The following SLC30A5 variants were observed in gnomAD, a reference collection of about 807,000 sequenced individuals.
SLC30A5 encodes the protein proton-coupled zinc antiporter SLC30A5.
Under a neutral mutation model 79.6 loss-of-function variants are expected in SLC30A5, and 33 were observed. That is an observed-to-expected ratio of 0.41 (90% confidence interval 0.31 to 0.55). The LOEUF (loss-of-function observed/expected upper bound fraction) is 0.55, where lower values mean the gene tolerates loss of function less well. SLC30A5 is among the 20% of genes least tolerant of loss of function. SLC30A5 has a pLI of 0.20. For missense variants in SLC30A5, 788 were observed against 928.1 expected (o/e 0.85, Z 1.96); for synonymous variants, 299 against 319.7 (o/e 0.94, Z 0.69).
chr5:69,114,916 T>C (rs941396114), intron 7 of SLC30A5, among the ~76,000 whole-genome samples: 1 of 152,152 alleles, frequency 6.6e-6, no homozygotes, highest in African/African-American at 2.4e-5. Flanking sequence ...TTGCCGGCCA[T>C]TTAAGTAGTT....
chr5:69,095,437 T>G (rs867091963), intron 1 of SLC30A5, among the ~76,000 whole-genome samples: 2 of 152,110 alleles, frequency 1.3e-5, no homozygotes, highest in African/African-American at 4.8e-5. Context: ...CCCGACCTCG[T>G]GATCGGCCTG....
At position 69,103,850 on chromosome 5, in the gene SLC30A5, AT is replaced by A. The variant is rs1268697368; in HGVS notation, c.273+729del. 1.7e-5 allele frequency: 14 copies of A among 844,820 alleles called. No individual in the cohort carries two copies. In the South Asian group the frequency reaches 1.7e-4, roughly 10 times the overall value. 52.3% of individuals were successfully genotyped at this position (844,820 alleles called of 1,614,324 possible). ...CCATGACTTACAAACCTGCGTCATA[AT>A]TTTTTTATTAGAAAGACGAATTTAA... On this transcript the variant is annotated intron_variant, in intron 3 of 15. Transcript: ENST00000396591.
At chr5:69,128,927 TTAAC>T (rs1329697046) in intron 15 of SLC30A5, among the ~76,000 whole-genome samples, 1 of 152,176 alleles carries the variant, frequency 6.6e-6, no homozygotes, top group Non-Finnish European at 1.5e-5. Context: ...GTCTAATATT[TTAAC>T]TAACTAAATG....
Position 69,130,836 on chromosome 5 carries a change from T to C in SLC30A5, c.*1219T>C, listed in dbSNP as rs1269963680. The C allele has an allele frequency of 6.6e-6, 1 of 152,150 alleles. No individual in the cohort carries two copies. Among genetic ancestry groups the C allele is most frequent in the Non-Finnish European group, 1.5e-5 (1 of 68,014 alleles). 9.4% of individuals were successfully genotyped at this position (152,150 alleles called of 1,614,324 possible). A position where few individuals can be genotyped will look rare whatever the true frequency, so the allele number is the denominator to read the frequency against. Reference sequence around the variant, plus strand: ...TCTTTCTATTTATAACATCTGAATATTTTCATTCTTATATTAAGAATTTTG... The same window carrying C: ...TCTTTCTATTTATAACATCTGAATACTTTCATTCTTATATTAAGAATTTTG... On this transcript the variant is annotated 3_prime_UTR_variant, in exon 16 of 16. Transcript: ENST00000396591.
intron 6 of SLC30A5, 149 bp downstream of exon 6, chr5:69,113,376 C>G (rs1746285124): frequency 1.8e-6 from 1 of 542,472 alleles, no homozygotes. Flanking sequence ...AATCAGTATT[C>G]AAATAATGAA....
rs1746371582 is a variant in SLC30A5, at chr5:69,116,288, T to C, written c.1072+74T>C. 1 of 1,508,982 alleles carries C rather than the reference T, an allele frequency of 6.6e-7. No individual in the cohort carries two copies. Among genetic ancestry groups the C allele is most frequent in the African/African-American group, 1.4e-5 (1 of 71,358 alleles). 93.5% of individuals were successfully genotyped at this position (1,508,982 alleles called of 1,614,324 possible). A position where few individuals can be genotyped will look rare whatever the true frequency, so the allele number is the denominator to read the frequency against. ...TTTTGATGGTCACATCATTTACTTA[T>C]TTTGGGAAATTCTTCAGTGCTTGCA... On this transcript the variant is annotated intron_variant, in intron 9 of 15. Transcript: ENST00000396591. The surrounding 1 kb of genome is among the most constrained non-coding windows in gnomAD (Gnocchi z 4.0).
intron 11 of SLC30A5, among the ~76,000 whole-genome samples, chr5:69,117,813 G>A (rs1209194991): frequency 6.7e-6 from 1 of 149,964 alleles, no homozygotes; most frequent in Non-Finnish European, 1.5e-5. Context: ...GAAGGCAGAG[G>A]TTGCAGTGAG....
Position 69,116,548 on chromosome 5 carries a change from A to C in SLC30A5, c.1227A>C (p.Gln409His). Residue 409 changes from glutamine to histidine, a missense_variant, in exon 10 of 16, where the codon CAA becomes CAC. Transcript: ENST00000396591. The surrounding 1 kb of genome is among the most constrained non-coding windows in gnomAD (Gnocchi z 4.0). ...IPRFIKESLK[Q>H]ILEESDSRQI... The stretch of plus-strand genomic sequence containing the variant: ...GGTTTATTAAGGAATCACTAAAACA[A>C]ATTCTTGAGGAGAGTGACTCTAGGC... 1 of 1,610,600 alleles carries C rather than the reference A, an allele frequency of 6.2e-7. No individual in the cohort carries two copies.
chr5:69,119,268 T>A (rs1746472367), intron 12 of SLC30A5, among the ~76,000 whole-genome samples: 1 of 152,064 alleles, frequency 6.6e-6, no homozygotes, highest in Non-Finnish European at 1.5e-5. Flanking sequence ...CAAGCAATTC[T>A]CCTGTCTCAG....
chr5:69,118,129 A>G (rs1395419154), intron 11 of SLC30A5, among the ~76,000 whole-genome samples: 1 of 147,722 alleles, frequency 6.8e-6, no homozygotes, highest in Non-Finnish European at 1.5e-5. Context: ...GTGAGCCAAG[A>G]TCGTGCCACT....
intron 14 of SLC30A5, among the ~76,000 whole-genome samples, chr5:69,126,274 T>G (rs2637142): frequency 0.68 from 103,908 of 151,966 alleles, 36,093 homozygotes; most frequent in East Asian, 0.87. Context: ...CTCATAGTTA[T>G]TGGATAGTAG....
At chr5:69,107,880 G>A (rs1440116921) in intron 4 of SLC30A5, among the ~76,000 whole-genome samples, 3 of 152,048 alleles carry the variant, frequency 2.0e-5, no homozygotes, top group Admixed American at 2.0e-4. Flanking sequence ...TTACAGGCAT[G>A]TGCCACCACG....
chr5:69,101,886 G>T (rs1163239156), intron 2 of SLC30A5, among the ~76,000 whole-genome samples: 2 of 150,910 alleles, frequency 1.3e-5, no homozygotes, highest in Non-Finnish European at 3.0e-5. Flanking sequence ...GAACCTGGGA[G>T]GCAGCGGTTG....
rs763251924 is a variant in SLC30A5, at chr5:69,100,872, CAT to C, written c.152_153del (p.Tyr51Ter). 6.2e-7 allele frequency: 1 copy of C among 1,605,508 alleles called. No individual in the cohort carries two copies. The highest frequency in any genetic ancestry group is 8.5e-7 in the Non-Finnish European group (1 of 1,174,336). On this transcript the variant is annotated frameshift_variant, in exon 2 of 16. Transcript: ENST00000396591. LOFTEE classifies it high-confidence loss of function. ...TTGAAGGCTGTGGGACTTTTCGAAT[CAT>C]ATGATCTCCTAAAAGCTGTTCACAT...
At position 69,123,426 on chromosome 5, in the gene SLC30A5, G is replaced by A; in HGVS notation, c.1998+1G>A. 6.2e-7 allele frequency: 1 copy of A among 1,604,246 alleles called. No homozygotes were observed. Among genetic ancestry groups the A allele is most frequent in the Non-Finnish European group, 8.5e-7 (1 of 1,171,704 alleles). ...AGAACTACATATTGCTTTAGAAAAG[G>A]TACTGTATGTAATTTCTTCACTACT... On this transcript the variant is annotated splice_donor_variant, in intron 14 of 15. Coordinates refer to ENST00000396591, the MANE Select transcript of SLC30A5 (RefSeq NM_022902.5). LOFTEE classifies it high-confidence loss of function.
At chr5:69,102,306 G>A (rs1322934814) in intron 2 of SLC30A5, among the ~76,000 whole-genome samples, 1 of 151,326 alleles carries the variant, frequency 6.6e-6, no homozygotes, top group Non-Finnish European at 1.5e-5. Flanking sequence ...CGCCCACCTC[G>A]GCCACCCAAA....
intron 13 of SLC30A5, 26 bp from the exon 14 acceptor site, chr5:69,123,173 A>G (rs1561298348): frequency 1.3e-6 from 2 of 1,502,124 alleles, no homozygotes; most frequent in Admixed American, 2.0e-5. Context: ...CTTAATTTTT[A>G]ATGTCCTTAT....
At chr5:69,114,541 T>C (rs749746668) in intron 7 of SLC30A5, 45 bp downstream of exon 7, 4 of 1,139,278 alleles carry the variant, frequency 3.5e-6, no homozygotes, top group Non-Finnish European at 4.0e-6. Flanking sequence ...TTCTGAAAAG[T>C]TGTAGCAACT....
intron 14 of SLC30A5, among the ~76,000 whole-genome samples, chr5:69,127,778 T>C (rs1242297764): frequency 6.6e-6 from 1 of 152,216 alleles, no homozygotes; most frequent in South Asian, 2.1e-4. Context: ...TAGATCAGAA[T>C]ATTTTAGGCA....
Sources: allele counts gnomAD v4.1 joint callset (sites outside exome capture counted in the v4.1 genomes callset), GRCh38; gene constraint gnomAD v4.1.1; non-coding constraint Gnocchi (gnomAD v3.1); transcripts MANE v1.5; gene names NCBI Gene and HGNC (gene_info 2026-07-23, HGNC 2026-07-21).